Variants in LRMDA observed in about 807,000 individuals in gnomAD.
The protein encoded by LRMDA is leucine rich melanocyte differentiation associated.
Under a neutral mutation model 29.8 loss-of-function variants are expected in LRMDA, and 18 were observed. The observed-to-expected ratio is 0.60, with a 90% CI of 0.42 to 0.90. The LOEUF (loss-of-function observed/expected upper bound fraction) is 0.90, where lower values mean the gene tolerates loss of function less well. Ranked by LOEUF, LRMDA falls within the 40% of genes least tolerant of loss-of-function variation. LRMDA has a pLI of 0.00. For missense variants in LRMDA, 273 were observed against 273.9 expected (o/e 1.00, Z 0.02); for synonymous variants, 125 against 109.4 (o/e 1.14, Z -0.89).
intron 2 of LRMDA, among the ~76,000 whole-genome samples, chr10:75,569,721 G>A (rs1840414693): frequency 6.6e-6 from 1 of 152,170 alleles, no homozygotes; most frequent in African/African-American, 2.4e-5. Flanking sequence ...TCACACAATT[G>A]TTTTCTCCTT....
intron 2 of LRMDA, among the ~76,000 whole-genome samples, chr10:75,735,517 G>A (rs1589177849): frequency 6.6e-6 from 1 of 152,176 alleles, no homozygotes; most frequent in East Asian, 1.9e-4. Flanking sequence ...GATTGGTACT[G>A]AGGGATATTC....
intron 5 of LRMDA, among the ~76,000 whole-genome samples, chr10:76,219,150 C>T (rs182142058): frequency 8.4e-4 from 128 of 152,272 alleles, no homozygotes; most frequent in African/African-American, 2.2e-3. Context: ...GTACCAGCCA[C>T]GGCAAAATCA....
intron 2 of LRMDA, among the ~76,000 whole-genome samples, chr10:75,881,864 C>G (rs1589239510): frequency 1.3e-5 from 2 of 152,232 alleles, no homozygotes; most frequent in East Asian, 3.8e-4. Context: ...AATTCTTTGT[C>G]CAAACTTCCA....
At chr10:75,716,310 C>T (rs1044257856) in intron 2 of LRMDA, among the ~76,000 whole-genome samples, 1 of 152,104 alleles carries the variant, frequency 6.6e-6, no homozygotes, top group African/African-American at 2.4e-5. Flanking sequence ...AGGTCCTTGG[C>T]GATATCATGA....
Position 76,230,279 on chromosome 10 carries a change from C to T in LRMDA, c.517-94122C>T, listed in dbSNP as rs554743899. On this transcript the variant is annotated intron_variant, in intron 5 of 6. Coordinates refer to ENST00000611255, the MANE Select transcript of LRMDA (RefSeq NM_001305581.2). ...ATTCAAGTTTGTATCCAGAATTAAG[C>T]GAGTCAGTAGTTTTAAATCAAATTA... Among the ~76,000 whole-genome samples the T allele has an allele frequency of 1.5e-4, 23 of 152,194 alleles. 1 individual carries two copies. The highest frequency in any genetic ancestry group is 4.3e-4 in the African/African-American group (18 of 41,524).
At chr10:76,485,213 TC>T (rs1842770111) in intron 6 of LRMDA, among the ~76,000 whole-genome samples, 1 of 151,882 alleles carries the variant, frequency 6.6e-6, no homozygotes, top group East Asian at 1.9e-4. Context: ...TTGTTTCTTT[TC>T]CCCCTCTTTT....
chr10:76,503,470 T>C (rs1213968897), intron 6 of LRMDA, among the ~76,000 whole-genome samples: 3 of 73,182 alleles, frequency 4.1e-5, no homozygotes, highest in Non-Finnish European at 1.2e-4. Flanking sequence ...CTTTGATTGG[T>C]AGTTTTTTTT....
In LRMDA at chr10:76,218,980, A is replaced by G. The variant is rs372853149; in HGVS notation, c.517-105421A>G. Reference sequence around the variant, plus strand: ...CCTGGGCCCAAATACATCCAAATACAAAGTGGTGCAGACTAGGAATGTTGG... The same window carrying G: ...CCTGGGCCCAAATACATCCAAATACGAAGTGGTGCAGACTAGGAATGTTGG... On this transcript the variant is annotated intron_variant, in intron 5 of 6. Transcript: ENST00000611255. 1.5e-4 allele frequency among the ~76,000 whole-genome samples: 23 copies of G among 152,328 alleles called. 1 individual carries two copies. The South Asian group carries it at 1.7e-3, about 11-fold the overall frequency.
At chr10:76,348,121 T>C (rs1841131160) in intron 6 of LRMDA, among the ~76,000 whole-genome samples, 1 of 152,088 alleles carries the variant, frequency 6.6e-6, no homozygotes, top group African/African-American at 2.4e-5. Context: ...TAACCAGGAA[T>C]GCAACCAATT....
At chr10:76,299,706 C>G (rs1159110953) in intron 5 of LRMDA, among the ~76,000 whole-genome samples, 5 of 151,252 alleles carry the variant, frequency 3.3e-5, no homozygotes, top group African/African-American at 1.2e-4. Context: ...CCAAAACTTG[C>G]TAATTAGAGG....
chr10:75,887,784 T>G (rs1845416312), intron 2 of LRMDA, among the ~76,000 whole-genome samples: 1 of 152,162 alleles, frequency 6.6e-6, no homozygotes, highest in Admixed American at 6.5e-5. Flanking sequence ...GGGTCTTCAT[T>G]TGGAATCTCA....
At position 76,544,098 on chromosome 10, in the gene LRMDA, C is replaced by T. The variant is rs115940950; in HGVS notation, c.602-13111C>T. On this transcript the variant is annotated intron_variant, in intron 6 of 6. Transcript: ENST00000611255. ...CCATAGAGTCTTGGCCCTCAATTAC[C>T]GTAATGGCTTATAATGAGATTTTGG... 3.2e-3 allele frequency among the ~76,000 whole-genome samples: 487 copies of T among 152,276 alleles called. 4 individuals are homozygous for T. Among genetic ancestry groups the T allele is most frequent in the African/African-American group, 0.011 (463 of 41,548 alleles).
At chr10:75,672,959 C>T (rs1482357609) in intron 2 of LRMDA, among the ~76,000 whole-genome samples, 1 of 141,408 alleles carries the variant, frequency 7.1e-6, no homozygotes, top group Admixed American at 6.7e-5. Context: ...AAACTGTTTG[C>T]CTTTTTTTTT....
intron 2 of LRMDA, among the ~76,000 whole-genome samples, chr10:75,806,921 T>C (rs1349374888): frequency 6.6e-6 from 1 of 152,044 alleles, no homozygotes; most frequent in Non-Finnish European, 1.5e-5. Context: ...CCTTTCTGCA[T>C]CTGTCTTTCC....
At chr10:75,608,110 G>GTATATA (rs10605160) in intron 2 of LRMDA, among the ~76,000 whole-genome samples, 14 of 101,338 alleles carry the variant, frequency 1.4e-4, no homozygotes, top group African/African-American at 3.7e-4. Context: ...TGTAGTGTGT[G>GTATATA]TATATATATA....
chr10:76,486,523 C>A (rs1293655738), intron 6 of LRMDA, among the ~76,000 whole-genome samples: 1 of 151,876 alleles, frequency 6.6e-6, no homozygotes, highest in East Asian at 1.9e-4. Context: ...ATCTAGCTGT[C>A]TCTTAGGTTT....
intron 5 of LRMDA, among the ~76,000 whole-genome samples, chr10:76,171,093 A>G (rs867305697): frequency 1.9e-4 from 29 of 152,328 alleles, no homozygotes; most frequent in African/African-American, 6.5e-4. Flanking sequence ...CTGAGCAGCT[A>G]TATCTGTGCC....
chr10:76,431,882 A>G (rs1402933353), intron 6 of LRMDA, among the ~76,000 whole-genome samples: 1 of 152,132 alleles, frequency 6.6e-6, no homozygotes, highest in Non-Finnish European at 1.5e-5. Flanking sequence ...AAAAAACGGG[A>G]ATTTCCCTGT....
At chr10:75,477,402 C>A (rs150954082) in intron 2 of LRMDA, among the ~76,000 whole-genome samples, 27 of 152,280 alleles carry the variant, frequency 1.8e-4, no homozygotes, top group African/African-American at 6.5e-4. Flanking sequence ...GGGATGGGTA[C>A]AATTCAGCCC....
Sources: allele counts gnomAD v4.1 joint callset (sites outside exome capture counted in the v4.1 genomes callset), GRCh38; gene constraint gnomAD v4.1.1; transcripts MANE v1.5; gene names NCBI Gene and HGNC (gene_info 2026-07-23, HGNC 2026-07-21).